F13A1: variants seen among roughly 807,000 people sequenced by gnomAD.
The protein encoded by F13A1 is coagulation factor XIII A chain, also known as FSF, A subunit.
F13A1 carries 47 observed loss-of-function variants against 80.1 expected under a neutral mutation model. That is an observed-to-expected ratio of 0.59 (90% CI 0.46 to 0.75). The LOEUF (loss-of-function observed/expected upper bound fraction) is 0.75. Ranked by LOEUF, F13A1 falls within the 30% of genes least tolerant of loss-of-function variation. The pLI is 0.00. For synonymous variants in F13A1, 349 were observed against 344.9 expected (o/e 1.01, Z -0.13); for missense variants, 817 against 930.4 (o/e 0.88, Z 1.59).
At chr6:6,163,793 A>G (rs1760616665) in intron 13 of F13A1, among the ~76,000 whole-genome samples, 2 of 152,162 alleles carry the variant, frequency 1.3e-5, no homozygotes, top group Admixed American at 1.3e-4. Context: ...ATGTATCTTT[A>G]TGATAGAATG....
chr6:6,283,163 G>A (rs1026894611), intron 3 of F13A1, among the ~76,000 whole-genome samples: 2 of 152,140 alleles, frequency 1.3e-5, no homozygotes, highest in Non-Finnish European at 2.9e-5. Context: ...CATCAAGTGA[G>A]GAAACATCAG....
intron 11 of F13A1, among the ~76,000 whole-genome samples, chr6:6,178,228 C>T (rs928228742): frequency 2.6e-5 from 4 of 152,012 alleles, no homozygotes; most frequent in Non-Finnish European, 4.4e-5. Flanking sequence ...AAACTAATAG[C>T]AGTAGTATGG....
At chr6:6,228,347 A>G (rs1322542389) in intron 6 of F13A1, among the ~76,000 whole-genome samples, 1 of 152,230 alleles carries the variant, frequency 6.6e-6, no homozygotes, top group Non-Finnish European at 1.5e-5. Flanking sequence ...GCAGAGAGGC[A>G]ACATGGCTCA....
At chr6:6,205,893 A>G (rs1171022641) in intron 8 of F13A1, among the ~76,000 whole-genome samples, 1 of 152,180 alleles carries the variant, frequency 6.6e-6, no homozygotes, top group African/African-American at 2.4e-5. Flanking sequence ...ATCATTAGTT[A>G]GCAGAAAGCC....
At chr6:6,190,401 T>C (rs952494974) in intron 10 of F13A1, among the ~76,000 whole-genome samples, 10 of 151,712 alleles carry the variant, frequency 6.6e-5, no homozygotes, top group African/African-American at 1.7e-4. Flanking sequence ...GATGGGTTTT[T>C]GGTGTGGATG....
At chr6:6,224,544 T>TTGAC in intron 7 of F13A1, 142 bp downstream of exon 7, 4 of 724,692 alleles carry the variant, frequency 5.5e-6, no homozygotes, top group Non-Finnish European at 9.3e-6. Context: ...TAATTATGCA[T>TTGAC]TGACTACATC....
intron 8 of F13A1, among the ~76,000 whole-genome samples, chr6:6,210,983 G>A (rs142702238): frequency 1.3e-4 from 19 of 150,960 alleles, no homozygotes; most frequent in Non-Finnish European, 2.4e-4. Flanking sequence ...CTCCTGCATC[G>A]GCCTCCCAAA....
rs542014066 is a variant in F13A1, at chr6:6,249,550, C to A, written c.691-1131G>T. On this transcript the variant is annotated intron_variant, in intron 5 of 14. Coordinates refer to ENST00000264870, the MANE Select transcript of F13A1 (RefSeq NM_000129.4). The stretch of plus-strand genomic sequence containing the variant: ...GAAGATACAATCAAGTGACTGTGCT[C>A]CAGGGTGCCTACCCAAAGGCAAGCT... 5.3e-5 allele frequency among the ~76,000 whole-genome samples: 8 copies of A among 152,274 alleles called. No homozygotes were observed. In the South Asian group the frequency reaches 1.7e-3, roughly 32 times the overall value.
At chr6:6,225,120 G>A (rs1158789825) in intron 6 of F13A1, among the ~76,000 whole-genome samples, 1 of 152,220 alleles carries the variant, frequency 6.6e-6, no homozygotes, top group African/African-American at 2.4e-5. Context: ...GCAGATAGGA[G>A]GAGTGTGACA....
Position 6,145,783 on chromosome 6 carries a change from G to A in F13A1, c.2046-11C>T. On this transcript the variant is annotated splice_polypyrimidine_tract_variant and intron_variant, in intron 14 of 14. Coordinates refer to ENST00000264870, the MANE Select transcript of F13A1 (RefSeq NM_000129.4). ...TTGGGCCGGATTTCACTGAAAGGAT[G>A]GAAAAGAGAGGAGAGGTTGGAAGAT... is the stretch of plus-strand genomic sequence containing the variant. 1 of 1,613,872 alleles carries A rather than the reference G, an allele frequency of 6.2e-7. No homozygotes were observed. The highest frequency in any genetic ancestry group is 1.1e-5 in the South Asian group (1 of 91,068).
intron 4 of F13A1, among the ~76,000 whole-genome samples, chr6:6,252,135 T>C (rs1308577570): frequency 2.6e-5 from 4 of 152,160 alleles, no homozygotes; most frequent in Non-Finnish European, 5.9e-5. Flanking sequence ...ATATGGAAAG[T>C]TCTACATAAA....
At chr6:6,266,974 G>C (rs1757854585) in intron 3 of F13A1, among the ~76,000 whole-genome samples, 165 bp from the exon 4 acceptor site, 1 of 152,210 alleles carries the variant, frequency 6.6e-6, no homozygotes, top group South Asian at 2.1e-4. Flanking sequence ...TTGATTGTAA[G>C]CAGGAGAACC....
At chr6:6,304,101 G>C (rs528523517) in intron 3 of F13A1, among the ~76,000 whole-genome samples, 3 of 152,210 alleles carry the variant, frequency 2.0e-5, no homozygotes, top group African/African-American at 7.2e-5. Context: ...TTTAAAAAGG[G>C]AATGATGATA....
chr6:6,152,060 G>A, intron 13 of F13A1, 111 bp from the exon 14 acceptor site: 1 of 1,331,204 alleles, frequency 7.5e-7, no homozygotes, highest in Non-Finnish European at 1.1e-6. Context: ...TATTTTTTTG[G>A]CAATGGAACC....
chr6:6,250,468 T>C lies in F13A1; in HGVS notation c.690+343A>G, dbSNP rs2113101758. Among the ~76,000 whole-genome samples, 1 of 152,280 alleles carries C rather than the reference T, an allele frequency of 6.6e-6. No individual in the cohort carries two copies. Among genetic ancestry groups the C allele is most frequent in the East Asian group, 1.9e-4 (1 of 5,174 alleles). On this transcript the variant is annotated intron_variant, in intron 5 of 14. Coordinates refer to ENST00000264870, the MANE Select transcript of F13A1 (RefSeq NM_000129.4). The surrounding 1 kb of genome is among the most constrained non-coding windows in gnomAD (Gnocchi z 4.2). ...ATTGGGCACACCCCTTGCAGTATTC[T>C]TTGCATCACTTTGAAAATACCTTTC...
At chr6:6,253,568 C>T (rs572424040) in intron 4 of F13A1, among the ~76,000 whole-genome samples, 56 of 152,258 alleles carry the variant, frequency 3.7e-4, no homozygotes, top group African/African-American at 1.3e-3. Context: ...CTGTTCCCAC[C>T]GGAAGCAGAG....
chr6:6,287,120 G>T (rs1758149509), intron 3 of F13A1, among the ~76,000 whole-genome samples: 1 of 152,152 alleles, frequency 6.6e-6, no homozygotes, highest in African/African-American at 2.4e-5. Context: ...TAGTCCATTT[G>T]GATCCTTTCT....
At position 6,182,154 on chromosome 6, in the gene F13A1, G is replaced by A. The variant is rs770579248; in HGVS notation, c.1306-13C>T. On this transcript the variant is annotated splice_polypyrimidine_tract_variant and intron_variant, in intron 10 of 14. Coordinates refer to ENST00000264870, the MANE Select transcript of F13A1 (RefSeq NM_000129.4). ...GGTCGCTGTTGACCTGGAAACAGGA[G>A]AGGAGAGCATTAGCCATCATCACAT... 1 of 1,613,760 alleles carries A rather than the reference G, an allele frequency of 6.2e-7. No homozygotes were observed. The highest frequency in any genetic ancestry group is 1.7e-5 in the Admixed American group (1 of 60,032).
chr6:6,277,472 T>C (rs1758004345), intron 3 of F13A1, among the ~76,000 whole-genome samples: 1 of 152,118 alleles, frequency 6.6e-6, no homozygotes, highest in Non-Finnish European at 1.5e-5. Context: ...GAATAAACTA[T>C]GTTCTAACTG....
Sources: allele counts gnomAD v4.1 joint callset (sites outside exome capture counted in the v4.1 genomes callset), GRCh38; gene constraint gnomAD v4.1.1; non-coding constraint Gnocchi (gnomAD v3.1); transcripts MANE v1.5; gene names NCBI Gene and HGNC (gene_info 2026-07-23, HGNC 2026-07-21).